The following CIB4 variants were observed in gnomAD, a reference collection of about 807,000 sequenced individuals.
The protein encoded by CIB4 is calcium and integrin binding family member 4, also known as calcium and integrin-binding family member 4.
A neutral mutation model predicts 25.8 loss-of-function variants in CIB4; 25 were observed. The ratio of observed to expected loss-of-function variants is 0.97; its 90% confidence interval spans 0.71 to 1.35. The LOEUF (loss-of-function observed/expected upper bound fraction) is 1.35. CIB4 is among the 40% of genes most tolerant of loss of function. CIB4 has a pLI of 0.00. For synonymous variants in CIB4, 75 were observed against 81.4 expected, an observed-to-expected ratio of 0.92 and a Z score of 0.42; for missense variants, 235 against 228.2, an observed-to-expected ratio of 1.03 and a Z score of -0.19.
intron 3 of CIB4, among the ~76,000 whole-genome samples, chr2:26,611,371 C>T (rs1051100871): frequency 2.4e-4 from 36 of 152,296 alleles, no homozygotes; most frequent in African/African-American, 8.4e-4. Context: ...AAACCACATG[C>T]GAAGAGACCT....
intron 3 of CIB4, among the ~76,000 whole-genome samples, chr2:26,607,269 T>A (rs1018414551): frequency 1.3e-5 from 2 of 152,226 alleles, no homozygotes; most frequent in African/African-American, 4.8e-5. Context: ...GATTTTCCCA[T>A]CTTGCAGCTT....
rs1485933159 is a variant in CIB4, at chr2:26,592,752, A to G, written c.328+2424T>C. Among the ~76,000 whole-genome samples the G allele has an allele frequency of 1.1e-4, 17 of 152,156 alleles. No homozygotes were observed. The East Asian group carries it at 3.3e-3, about 29-fold the overall frequency. Reference sequence around the variant, plus strand: ...TTCTCTCGTTAAGCTCATCCAGTGCATTTTTGTTTCAGATATTTTATTTTT... The same window carrying G: ...TTCTCTCGTTAAGCTCATCCAGTGCGTTTTTGTTTCAGATATTTTATTTTT... On this transcript the variant is annotated intron_variant, in intron 4 of 6. Transcript: ENST00000288861.
At chr2:26,626,945 C>G (rs760906003) in intron 3 of CIB4, among the ~76,000 whole-genome samples, 1 of 152,148 alleles carries the variant, frequency 6.6e-6, no homozygotes, top group Non-Finnish European at 1.5e-5. Flanking sequence ...TTACCCAGCA[C>G]AAGGTGTTCA....
At chr2:26,593,963 C>T (rs1291282618) in intron 4 of CIB4, among the ~76,000 whole-genome samples, 1 of 152,188 alleles carries the variant, frequency 6.6e-6, no homozygotes, top group Non-Finnish European at 1.5e-5. Context: ...GTGCCCCAAA[C>T]TCTCTGGCTT....
At chr2:26,639,876 T>G (rs1164207278) in intron 2 of CIB4, among the ~76,000 whole-genome samples, 1 of 152,114 alleles carries the variant, frequency 6.6e-6, no homozygotes, top group Non-Finnish European at 1.5e-5. Context: ...CTAACAGGTT[T>G]TGTTGGGCAC....
At chr2:26,620,174 A>G (rs1448875960) in intron 3 of CIB4, among the ~76,000 whole-genome samples, 14 of 131,146 alleles carry the variant, frequency 1.1e-4, no homozygotes, top group South Asian at 2.5e-4. Context: ...TCTCCATCCC[A>G]GAATCCCCTA....
At chr2:26,607,748 G>A (rs1265429806) in intron 3 of CIB4, among the ~76,000 whole-genome samples, 1 of 152,214 alleles carries the variant, frequency 6.6e-6, no homozygotes, top group Non-Finnish European at 1.5e-5. Flanking sequence ...CCTGGCTCTG[G>A]TAGAGCTGTT....
chr2:26,628,234 G>A (rs1003753308), intron 3 of CIB4, among the ~76,000 whole-genome samples: 2 of 152,310 alleles, frequency 1.3e-5, no homozygotes, highest in Admixed American at 1.3e-4. Flanking sequence ...CTGCCCTGGG[G>A]GAAGGGCAGG....
rs1240584258 is a variant in CIB4 at position 26,582,924 on chromosome 2, A to G, written c.439-11T>C. 7.5e-6 allele frequency: 12 copies of G among 1,600,652 alleles called. No individual in the cohort carries two copies. The highest frequency in any genetic ancestry group is 9.4e-6 in the Non-Finnish European group (11 of 1,168,304). On this transcript the variant is annotated splice_polypyrimidine_tract_variant and intron_variant, in intron 5 of 6. Transcript: ENST00000288861. ...CGACTCACTCAGGACCTGGCGAGGGAGCACAGAAGACAGTTGAGTGGAACC... is the reference window on the plus strand; with the variant it reads ...CGACTCACTCAGGACCTGGCGAGGGGGCACAGAAGACAGTTGAGTGGAACC...
intron 2 of CIB4, among the ~76,000 whole-genome samples, chr2:26,639,904 CACAA>C (rs910473458): frequency 1.3e-5 from 2 of 152,194 alleles, no homozygotes; most frequent in African/African-American, 4.8e-5. Flanking sequence ...GGCCCAAACA[CACAA>C]ACACACACAC....
chr2:26,598,210 G>A (rs1246224069), intron 3 of CIB4, among the ~76,000 whole-genome samples: 1 of 151,814 alleles, frequency 6.6e-6, no homozygotes, highest in Non-Finnish European at 1.5e-5. Context: ...TGAGGCAGGA[G>A]CATCACTTGA....
intron 3 of CIB4, among the ~76,000 whole-genome samples, chr2:26,624,037 C>A (rs879470546): frequency 6.6e-6 from 1 of 152,220 alleles, no homozygotes; most frequent in African/African-American, 2.4e-5. Flanking sequence ...TGTCCCCGTG[C>A]GGGACATTTT....
intron 6 of CIB4, among the ~76,000 whole-genome samples, chr2:26,581,828 C>T (rs1013564966): frequency 6.6e-6 from 1 of 152,204 alleles, no homozygotes; most frequent in East Asian, 1.9e-4. Flanking sequence ...CTCATCCAGG[C>T]AGTCAGAAGA....
rs1669351032 is a variant in CIB4 at position 26,628,486 on chromosome 2, T to C, written c.186+924A>G. On this transcript the variant is annotated intron_variant, in intron 3 of 6. Transcript: ENST00000288861. ...TGTGTTTGTGGGGGGTGGGAGTGTG[T>C]TCTAGGTGGTTGGAAGGTGAGATTC... Among the ~76,000 whole-genome samples the C allele has an allele frequency of 2.6e-5, 4 of 152,224 alleles. No individual in the cohort carries two copies. The South Asian group carries it at 8.3e-4, about 32-fold the overall frequency.
intron 3 of CIB4, among the ~76,000 whole-genome samples, chr2:26,613,689 C>T (rs528578903): frequency 1.3e-5 from 2 of 152,348 alleles, no homozygotes; most frequent in Admixed American, 6.5e-5. Flanking sequence ...CTTTTGGTGA[C>T]AAGCCTGAAG....
chr2:26,594,754 T>C (rs1668647903), intron 4 of CIB4, among the ~76,000 whole-genome samples: 1 of 152,032 alleles, frequency 6.6e-6, no homozygotes. Context: ...TCTCTCCCTA[T>C]CCCCTCATTT....
At chr2:26,593,192 T>G (rs1668615342) in intron 4 of CIB4, among the ~76,000 whole-genome samples, 1 of 152,158 alleles carries the variant, frequency 6.6e-6, no homozygotes, top group Non-Finnish European at 1.5e-5. Flanking sequence ...GCTACCGCCT[T>G]TCCTAGCTTT....
At chr2:26,633,988 T>G (rs1026945770) in intron 2 of CIB4, among the ~76,000 whole-genome samples, 100 of 152,322 alleles carry the variant, frequency 6.6e-4, no homozygotes, top group African/African-American at 2.3e-3. Context: ...TGCCTCTCTC[T>G]GGCATCCCAT....
At position 26,582,824 on chromosome 2, in the gene CIB4, C is replaced by T. The variant is rs142991987; in HGVS notation, c.527+1G>A. The T allele has an allele frequency of 1.2e-6, 2 of 1,604,766 alleles. No homozygotes were observed. Among genetic ancestry groups the T allele is most frequent in the Admixed American group, 1.7e-5 (1 of 59,986 alleles). ...GTCTCACCCCCTCCAGAATGCCTTACTTCATGAAATCTGGAGACTTGGCCA... is the reference window on the plus strand; with the variant it reads ...GTCTCACCCCCTCCAGAATGCCTTATTTCATGAAATCTGGAGACTTGGCCA... On this transcript the variant is annotated splice_donor_variant, in intron 6 of 6. Transcript: ENST00000288861. LOFTEE classifies it high-confidence loss of function.
Sources: allele counts gnomAD v4.1 joint callset (sites outside exome capture counted in the v4.1 genomes callset), GRCh38; gene constraint gnomAD v4.1.1; transcripts MANE v1.5; gene names NCBI Gene and HGNC (gene_info 2026-07-23, HGNC 2026-07-21).